Variants in ADAM9 observed in about 807,000 individuals in gnomAD.
The protein encoded by ADAM9 is ADAM metallopeptidase domain 9, also known as disintegrin and metalloproteinase domain-containing protein 9.
In ADAM9, 54 loss-of-function variants were observed where a neutral mutation model predicts 108.1. The ratio of observed to expected loss-of-function variants is 0.50; its 90% CI spans 0.40 to 0.63. The LOEUF is 0.63. Ranked by LOEUF, ADAM9 falls within the 20% of genes least tolerant of loss-of-function variation. ADAM9 has a pLI of 0.00. For missense variants in ADAM9, 830 were observed against 997.7 expected (o/e 0.83, Z 2.26); for synonymous variants, 316 against 336.0 (o/e 0.94, Z 0.65).
rs777474015 is a variant in ADAM9 at position 38,996,977 on chromosome 8, T to G, written c.-87T>G. On this transcript the variant is annotated 5_prime_UTR_variant, in exon 1 of 22. Transcript: ENST00000487273. The stretch of plus-strand genomic sequence containing the variant: ...GGGCGCGCGCGCTTCCCGGCCAGAC[T>G]TGGGGCCCCGGCAGGGTTGGAAAAT... 2.0e-6 allele frequency: 3 copies of G among 1,522,208 alleles called. No individual in the cohort carries two copies. The highest frequency in any genetic ancestry group is 2.7e-6 in the Non-Finnish European group (3 of 1,131,860). 94.3% of individuals were successfully genotyped at this position (1,522,208 alleles called of 1,614,324 possible). A position where few individuals can be genotyped will look rare whatever the true frequency, so the allele number is the denominator to read the frequency against.
chr8:39,084,957 C>T (rs1839140735), intron 18 of ADAM9, among the ~76,000 whole-genome samples: 1 of 151,884 alleles, frequency 6.6e-6, no homozygotes. Context: ...CTTCTTTTTC[C>T]CTAGTAATAT....
chr8:39,029,165 T>TA (rs1257738865), intron 11 of ADAM9, among the ~76,000 whole-genome samples: 1 of 149,580 alleles, frequency 6.7e-6, no homozygotes, highest in Non-Finnish European at 1.5e-5. Context: ...TGAATGTGTA[T>TA]AAACTTGCTA....
At chr8:39,012,388 C>T (rs1459479400) in intron 3 of ADAM9, among the ~76,000 whole-genome samples, 4 of 152,142 alleles carry the variant, frequency 2.6e-5, no homozygotes, top group African/African-American at 4.8e-5. Flanking sequence ...GACAGTATGG[C>T]GATTCCTCAA....
At chr8:39,004,071 A>G (rs577378277) in intron 1 of ADAM9, among the ~76,000 whole-genome samples, 49 of 152,320 alleles carry the variant, frequency 3.2e-4, no homozygotes, top group East Asian at 5.8e-4. Context: ...CTGCCTGCCC[A>G]TAAGAACTAC....
At chr8:39,070,076 C>T (rs1295006974) in intron 14 of ADAM9, among the ~76,000 whole-genome samples, 1 of 148,394 alleles carries the variant, frequency 6.7e-6, no homozygotes, top group Non-Finnish European at 1.5e-5. Flanking sequence ...TCACTTTAGC[C>T]TGTGAGGTAA....
intron 17 of ADAM9, 59 bp from the exon 18 acceptor site, chr8:39,082,909 G>C: frequency 6.8e-7 from 1 of 1,479,104 alleles, no homozygotes; most frequent in Non-Finnish European, 9.4e-7. Flanking sequence ...CCATTCTTGA[G>C]TTGATGATAT....
intron 6 of ADAM9, chr8:39,018,468 ATG>A (rs1324460729): frequency 7.9e-5 from 15 of 189,304 alleles, no homozygotes; most frequent in Middle Eastern, 2.3e-3. Context: ...TCATTAAAAT[ATG>A]TGTGTGTTTG....
intron 3 of ADAM9, 69 bp from the exon 4 acceptor site, chr8:39,013,896 C>T: frequency 8.4e-7 from 1 of 1,183,806 alleles, no homozygotes; most frequent in South Asian, 1.2e-5. Context: ...AGGAATAATG[C>T]CTTATGAATC....
intron 14 of ADAM9, among the ~76,000 whole-genome samples, chr8:39,066,718 G>A (rs1289043167): frequency 6.6e-6 from 1 of 152,118 alleles, no homozygotes; most frequent in African/African-American, 2.4e-5. Flanking sequence ...TCACTCTGAT[G>A]GTAGTTTCTT....
In ADAM9 at chr8:39,103,825, G is replaced by A; in HGVS notation, c.*125G>A. 1.1e-6 allele frequency: 1 copy of A among 894,284 alleles called. No homozygotes were observed. The highest frequency in any genetic ancestry group is 1.8e-6 in the Non-Finnish European group (1 of 551,908). The allele number at this position is 894,284 out of a possible 1,614,324, so 55.4% of individuals were successfully genotyped here. A position where few individuals can be genotyped will look rare whatever the true frequency, so the allele number is the denominator to read the frequency against. ...AATGAAAACAAAACACCACAAAACA[G>A]ACTTCACTAACACAGAAAAACAGAA... On this transcript the variant is annotated 3_prime_UTR_variant, in exon 22 of 22. Coordinates refer to ENST00000487273, the MANE Select transcript of ADAM9 (RefSeq NM_003816.3).
chr8:39,025,762 T>A, intron 9 of ADAM9, 41 bp from the exon 10 acceptor site: 3 of 1,583,906 alleles, frequency 1.9e-6, no homozygotes, highest in Non-Finnish European at 2.6e-6. Flanking sequence ...GTGTTCCTTT[T>A]TTCCCCAAGA....
chr8:39,016,757 T>C (rs1045407517), intron 5 of ADAM9, among the ~76,000 whole-genome samples: 1 of 152,226 alleles, frequency 6.6e-6, no homozygotes, highest in African/African-American at 2.4e-5. Flanking sequence ...GCACTAACAC[T>C]TATTTGGTAG....
At chr8:39,040,116 C>T (rs1313339176) in intron 11 of ADAM9, among the ~76,000 whole-genome samples, 5 of 152,136 alleles carry the variant, frequency 3.3e-5, no homozygotes, top group African/African-American at 1.2e-4. Flanking sequence ...GTGGTGCAAT[C>T]TCGGCTCACT....
intron 14 of ADAM9, among the ~76,000 whole-genome samples, chr8:39,056,210 A>G (rs934334921): frequency 1.3e-4 from 20 of 152,042 alleles, no homozygotes; most frequent in African/African-American, 4.8e-4. Flanking sequence ...TAAAAAATTT[A>G]TGTATTTTTT....
chr8:39,012,973 G>A (rs1836406711), intron 3 of ADAM9, among the ~76,000 whole-genome samples: 1 of 152,036 alleles, frequency 6.6e-6, no homozygotes, highest in Non-Finnish European at 1.5e-5. Flanking sequence ...TAGACAGGCT[G>A]GTCCCGGGTG....
intron 12 of ADAM9, among the ~76,000 whole-genome samples, chr8:39,043,076 G>A (rs1837502627): frequency 6.6e-6 from 1 of 152,040 alleles, no homozygotes; most frequent in Admixed American, 6.5e-5. Context: ...TTTCATCTAC[G>A]TTATTGCAAT....
intron 20 of ADAM9, among the ~76,000 whole-genome samples, chr8:39,099,324 C>T (rs1035287352): frequency 3.3e-5 from 5 of 152,136 alleles, no homozygotes; most frequent in Non-Finnish European, 7.3e-5. Context: ...CTCTTTCATA[C>T]GTTCTTGGTT....
chr8:39,038,250 C>T (rs1187389033), intron 11 of ADAM9, among the ~76,000 whole-genome samples: 1 of 152,196 alleles, frequency 6.6e-6, no homozygotes, highest in East Asian at 1.9e-4. Flanking sequence ...CTTCCCCATT[C>T]CACTTAGAGT....
chr8:39,059,750 G>A (rs1162190850), intron 14 of ADAM9, among the ~76,000 whole-genome samples: 1 of 152,208 alleles, frequency 6.6e-6, no homozygotes, highest in Admixed American at 6.5e-5. Flanking sequence ...CCAGAAAGGG[G>A]CTGCAGTGCT....
Sources: gnomAD v4.1 joint callset for allele counts (sites outside exome capture counted in the v4.1 genomes callset) on GRCh38, gnomAD v4.1.1 for gene constraint, MANE v1.5 for transcripts, NCBI Gene and HGNC (gene_info 2026-07-23, HGNC 2026-07-21) for gene names.